FAM204A: variants seen among roughly 807,000 people sequenced by gnomAD.
FAM204A encodes the protein family with sequence similarity 204 member A.
FAM204A carries 16 observed loss-of-function variants against 35.4 expected under a neutral mutation model. The observed-to-expected ratio is 0.45, with a 90% CI of 0.31 to 0.69. The LOEUF is 0.69. Ranked by LOEUF, FAM204A falls within the 30% of genes least tolerant of loss-of-function variation. FAM204A has a pLI of 0.07. For synonymous variants in FAM204A, 76 were observed against 86.9 expected, an observed-to-expected ratio of 0.88 and a Z score of 0.70; for missense variants, 240 against 265.7, an observed-to-expected ratio of 0.90 and a Z score of 0.67.
intron 6 of FAM204A, among the ~76,000 whole-genome samples, chr10:118,331,782 G>A (rs774798329): frequency 6.6e-6 from 1 of 151,304 alleles, no homozygotes; most frequent in Non-Finnish European, 1.5e-5. Flanking sequence ...CAGTGGAGGG[G>A]CGGAAGAGGT....
At position 118,308,111 on chromosome 10, in the gene FAM204A, C is replaced by T. The variant is rs1315791341; in HGVS notation, c.*2746G>A. On this transcript the variant is annotated 3_prime_UTR_variant, in exon 9 of 9. Coordinates refer to ENST00000369183, the MANE Select transcript of FAM204A (RefSeq NM_022063.3). ...AAGAATGCACTGCCAACTTCCCTTT[C>T]TCAGAACCAGTGCTGTAAAGCTCAA... is the stretch of plus-strand genomic sequence containing the variant. 8 of 152,184 alleles carry T rather than the reference C, an allele frequency of 5.3e-5. No individual in the cohort carries two copies. Among genetic ancestry groups the T allele is most frequent in the Non-Finnish European group, 1.2e-4 (8 of 68,026 alleles). 9.4% of individuals were successfully genotyped at this position (152,184 alleles called of 1,614,324 possible). A position where few individuals can be genotyped will look rare whatever the true frequency, so the allele number is the denominator to read the frequency against.
rs565492466 is a variant in FAM204A, at chr10:118,299,391, G to GT, written c.*11465dup. 1,712 of 90,204 alleles carry GT rather than the reference G, an allele frequency of 0.019. 73 individuals are homozygous for GT. Among genetic ancestry groups the GT allele is most frequent in the East Asian group, 0.05 (152 of 3,024 alleles). The allele number at this position is 90,204 out of a possible 1,614,324, so 5.6% of individuals were successfully genotyped here. A position where few individuals can be genotyped will look rare whatever the true frequency, so the allele number is the denominator to read the frequency against. ...ACCTCCTCCTTTCTGCTTCCAGAAG[G>GT]TTTTTTTTTTTTTTTTTTTTTTGAG... On this transcript the variant is annotated 3_prime_UTR_variant, in exon 9 of 9. Transcript: ENST00000369183.
chr10:118,298,139 G>A lies in FAM204A; in HGVS notation c.*12718C>T, dbSNP rs1244025596. The A allele has an allele frequency of 6.6e-6, 1 of 152,186 alleles. No individual in the cohort carries two copies. Among genetic ancestry groups the A allele is most frequent in the Non-Finnish European group, 1.5e-5 (1 of 68,050 alleles). 9.4% of individuals were successfully genotyped at this position (152,186 alleles called of 1,614,324 possible). On this transcript the variant is annotated 3_prime_UTR_variant, in exon 9 of 9. Transcript: ENST00000369183. ...TTATCTTAAATGTGTGTGGGAGTGA[G>A]AGAGCTAACGTTACGTGTGGCTTTA...
At chr10:118,318,815 TTAAAC>T (rs71992647) in intron 7 of FAM204A, among the ~76,000 whole-genome samples, 9,755 of 152,028 alleles carry the variant, frequency 0.064, 361 homozygotes, top group South Asian at 0.13. Context: ...AGAAGTAACT[TTAAAC>T]TTAGGTTTGA....
At chr10:118,342,113 G>A (rs1846496201) in intron 1 of FAM204A, 157 bp downstream of exon 1, 1 of 152,310 alleles carries the variant, frequency 6.6e-6, no homozygotes, top group Non-Finnish European at 1.5e-5. Context: ...CCGCGGCCCC[G>A]GGCCGGGGGC....
intron 7 of FAM204A, among the ~76,000 whole-genome samples, chr10:118,321,556 A>G (rs757713736): frequency 1.3e-5 from 2 of 152,020 alleles, no homozygotes; most frequent in Admixed American, 1.3e-4. Flanking sequence ...TGAATATAAA[A>G]AGTACAATGA....
In FAM204A at chr10:118,335,229, A is replaced by G. The variant is rs779278782; in HGVS notation, c.354-16T>C. ...GGACGGTTCACTAAAAGAAGATAGTAAGTTTTGTTTTATACAATATATACT... is the reference window on the plus strand; with the variant it reads ...GGACGGTTCACTAAAAGAAGATAGTGAGTTTTGTTTTATACAATATATACT... On this transcript the variant is annotated splice_polypyrimidine_tract_variant and intron_variant, in intron 5 of 8. Coordinates refer to ENST00000369183, the MANE Select transcript of FAM204A (RefSeq NM_022063.3). 1 of 1,606,354 alleles carries G rather than the reference A, an allele frequency of 6.2e-7. No individual in the cohort carries two copies. The highest frequency in any genetic ancestry group is 8.5e-7 in the Non-Finnish European group (1 of 1,174,828).
At chr10:118,339,146 T>G (rs1222799769) in intron 2 of FAM204A, among the ~76,000 whole-genome samples, 1 of 152,186 alleles carries the variant, frequency 6.6e-6, no homozygotes, top group Admixed American at 6.5e-5. Context: ...CATTTTCCTG[T>G]GACTCTCAAA....
chr10:118,332,488 T>C (rs1846308378), intron 6 of FAM204A, among the ~76,000 whole-genome samples: 1 of 147,954 alleles, frequency 6.8e-6, no homozygotes, highest in Non-Finnish European at 1.5e-5. Flanking sequence ...CCCTCTCCTA[T>C]ACCTCCTCCC....
At chr10:118,325,090 T>C (rs2133279976) in intron 7 of FAM204A, among the ~76,000 whole-genome samples, 1 of 152,180 alleles carries the variant, frequency 6.6e-6, no homozygotes, top group South Asian at 2.1e-4. Context: ...AAAATATAAT[T>C]TCTGAATCCC....
At chr10:118,322,638 G>T (rs11198361) in intron 7 of FAM204A, among the ~76,000 whole-genome samples, 31,286 of 151,996 alleles carry the variant, frequency 0.21, 3,556 homozygotes, top group East Asian at 0.34. Flanking sequence ...AAGGGAATTA[G>T]TGGGACAACT....
chr10:118,332,824 A>G (rs1158596523), intron 6 of FAM204A, among the ~76,000 whole-genome samples: 1 of 152,264 alleles, frequency 6.6e-6, no homozygotes, highest in East Asian at 1.9e-4. Context: ...TTAGGTATAC[A>G]TAAAACTACT....
At chr10:118,313,111 G>A (rs1845978414) in intron 7 of FAM204A, among the ~76,000 whole-genome samples, 1 of 151,838 alleles carries the variant, frequency 6.6e-6, no homozygotes, top group Non-Finnish European at 1.5e-5. Flanking sequence ...TCATTAAGAT[G>A]AAGTTCCTAT....
intron 6 of FAM204A, 190 bp from the exon 7 acceptor site, chr10:118,326,433 G>T: frequency 1.8e-6 from 1 of 541,906 alleles, no homozygotes. Context: ...CTTACCTGAG[G>T]TCATGTAACT....
chr10:118,312,680 C>T lies in FAM204A; in HGVS notation c.544-1367G>A, dbSNP rs572779205. Among the ~76,000 whole-genome samples, 16 of 152,264 alleles carry T rather than the reference C, an allele frequency of 1.1e-4. No homozygotes were observed. In the South Asian group the frequency reaches 1.7e-3, roughly 16 times the overall value. ...AATTGGTCAACATCAACAGGAAAGGCGCCGAAGAAAGGATGATCCATTGTA... is the reference window on the plus strand; with the variant it reads ...AATTGGTCAACATCAACAGGAAAGGTGCCGAAGAAAGGATGATCCATTGTA... On this transcript the variant is annotated intron_variant, in intron 7 of 8. Transcript: ENST00000369183.
In FAM204A at chr10:118,306,558, A is replaced by G. The variant is rs189202345; in HGVS notation, c.*4299T>C. ...ATAGCATTCTGCATGGCATTTAATAAACTATCTCCCAGAAGCCTATAGCTG... is the reference window on the plus strand; with the variant it reads ...ATAGCATTCTGCATGGCATTTAATAGACTATCTCCCAGAAGCCTATAGCTG... On this transcript the variant is annotated 3_prime_UTR_variant, in exon 9 of 9. Coordinates refer to ENST00000369183, the MANE Select transcript of FAM204A (RefSeq NM_022063.3). 33 of 152,370 alleles carry G rather than the reference A, an allele frequency of 2.2e-4. No homozygotes were observed. The highest frequency in any genetic ancestry group is 7.5e-4 in the African/African-American group (31 of 41,586). The allele number at this position is 152,370 out of a possible 1,614,324, so 9.4% of individuals were successfully genotyped here. A position where few individuals can be genotyped will look rare whatever the true frequency, so the allele number is the denominator to read the frequency against.
At position 118,306,420 on chromosome 10, in the gene FAM204A, A is replaced by G. The variant is rs1845866000; in HGVS notation, c.*4437T>C. 6.6e-6 allele frequency: 1 copy of G among 152,226 alleles called. No individual in the cohort carries two copies. Among genetic ancestry groups the G allele is most frequent in the Non-Finnish European group, 1.5e-5 (1 of 68,036 alleles). The allele number at this position is 152,226 out of a possible 1,614,324, so 9.4% of individuals were successfully genotyped here. ...CATACTTAAATTCAATTTCTTAAAA[A>G]TGTCATCTCACCTGGAAAACAAACT... is the stretch of plus-strand genomic sequence containing the variant. On this transcript the variant is annotated 3_prime_UTR_variant, in exon 9 of 9. Coordinates refer to ENST00000369183, the MANE Select transcript of FAM204A (RefSeq NM_022063.3).
rs1373282406 is a variant in FAM204A, at chr10:118,302,103, C to A, written c.*8754G>T. On this transcript the variant is annotated 3_prime_UTR_variant, in exon 9 of 9. Coordinates refer to ENST00000369183, the MANE Select transcript of FAM204A (RefSeq NM_022063.3). ...ATTTCCTAGGTGATGTTGTGTGACACTGCAGAGTCTGCTTATTATGTCTTT... is the reference window on the plus strand; with the variant it reads ...ATTTCCTAGGTGATGTTGTGTGACAATGCAGAGTCTGCTTATTATGTCTTT... The A allele has an allele frequency of 6.6e-6, 1 of 152,278 alleles. No homozygotes were observed. Among genetic ancestry groups the A allele is most frequent in the East Asian group, 1.9e-4 (1 of 5,198 alleles). The allele number at this position is 152,278 out of a possible 1,614,324, so 9.4% of individuals were successfully genotyped here. A position where few individuals can be genotyped will look rare whatever the true frequency, so the allele number is the denominator to read the frequency against.
rs1364310363 is a variant in FAM204A, at chr10:118,310,343, G to A, written c.*514C>T. 1 of 152,164 alleles carries A rather than the reference G, an allele frequency of 6.6e-6. No individual in the cohort carries two copies. The highest frequency in any genetic ancestry group is 2.4e-5 in the African/African-American group (1 of 41,314). 9.4% of individuals were successfully genotyped at this position (152,164 alleles called of 1,614,324 possible). The stretch of plus-strand genomic sequence containing the variant: ...ACAAAAAAAAAAAAAAAATTAGCCG[G>A]GTGTGGTGGCATTTGTCCATAATCC... On this transcript the variant is annotated 3_prime_UTR_variant, in exon 9 of 9. Transcript: ENST00000369183.
Sources: allele counts gnomAD v4.1 joint callset (sites outside exome capture counted in the v4.1 genomes callset), GRCh38; gene constraint gnomAD v4.1.1; transcripts MANE v1.5; gene names NCBI Gene and HGNC (gene_info 2026-07-23, HGNC 2026-07-21).